The following GUCY1A2 variants were observed in gnomAD, a reference collection of about 807,000 sequenced individuals.
The protein encoded by GUCY1A2 is guanylate cyclase 1 soluble subunit alpha 2.
GUCY1A2 carries 27 observed loss-of-function variants against 63.5 expected under a neutral mutation model. The observed-to-expected ratio is 0.43, with a 90% CI of 0.31 to 0.59. The LOEUF is 0.59. GUCY1A2 is among the 20% of genes least tolerant of loss of function. The pLI is 0.11. For synonymous variants in GUCY1A2, 364 were observed against 343.5 expected (o/e 1.06, Z -0.66); for missense variants, 768 against 913.3 (o/e 0.84, Z 2.05).
chr11:106,932,155 C>T (rs1944209), intron 4 of GUCY1A2, among the ~76,000 whole-genome samples: 1 of 151,956 alleles, frequency 6.6e-6, no homozygotes, highest in Non-Finnish European at 1.5e-5. Flanking sequence ...AACCTACAAA[C>T]CTTTAATAGA....
intron 3 of GUCY1A2, among the ~76,000 whole-genome samples, chr11:106,959,867 A>G (rs1178893185): frequency 6.6e-6 from 1 of 152,236 alleles, no homozygotes; most frequent in Non-Finnish European, 1.5e-5. Context: ...CCCAAAAGGC[A>G]GAGCTGAGAA....
At chr11:106,954,807 G>A (rs997771030) in intron 3 of GUCY1A2, among the ~76,000 whole-genome samples, 5 of 151,850 alleles carry the variant, frequency 3.3e-5, no homozygotes, top group African/African-American at 1.2e-4. Context: ...GTTTTGTCAG[G>A]GACTAGGATT....
At chr11:106,694,998 T>TGTGTGTGCATGC (rs1206388299) in intron 7 of GUCY1A2, among the ~76,000 whole-genome samples, 1 of 152,212 alleles carries the variant, frequency 6.6e-6, no homozygotes, top group African/African-American at 2.4e-5. Flanking sequence ...TTAGGTTGGG[T>TGTGTGTGCATGC]GTGTGTGCAT....
At chr11:106,940,209 A>G (rs201109184) in intron 3 of GUCY1A2, 31 bp from the exon 4 acceptor site, 61 of 973,742 alleles carry the variant, frequency 6.3e-5, no homozygotes, top group Non-Finnish European at 9.5e-5. Flanking sequence ...AATGTTAGTG[A>G]AGTCTAATAT....
At chr11:106,790,076 A>G (rs1027223491) in intron 5 of GUCY1A2, among the ~76,000 whole-genome samples, 3 of 152,196 alleles carry the variant, frequency 2.0e-5, no homozygotes, top group African/African-American at 7.2e-5. Context: ...CCAGGCTTGT[A>G]TCCTTTGCTT....
intron 4 of GUCY1A2, among the ~76,000 whole-genome samples, chr11:106,883,890 G>GTT (rs1859861448): frequency 6.6e-6 from 1 of 152,064 alleles, no homozygotes; most frequent in Non-Finnish European, 1.5e-5. Context: ...GTCCTTTGTA[G>GTT]GGACATGGAT....
At chr11:106,798,698 T>C (rs547052148) in intron 5 of GUCY1A2, among the ~76,000 whole-genome samples, 1 of 152,256 alleles carries the variant, frequency 6.6e-6, no homozygotes, top group Admixed American at 6.5e-5. Flanking sequence ...GAAAAGGCCT[T>C]TGACAAAATT....
intron 6 of GUCY1A2, among the ~76,000 whole-genome samples, chr11:106,722,130 T>C (rs1863327839): frequency 6.6e-6 from 1 of 152,176 alleles, no homozygotes; most frequent in East Asian, 1.9e-4. Flanking sequence ...TGTTCCTCTT[T>C]CCCTCTTCTA....
At chr11:106,732,675 C>A (rs1863525105) in intron 6 of GUCY1A2, among the ~76,000 whole-genome samples, 1 of 152,004 alleles carries the variant, frequency 6.6e-6, no homozygotes, top group Non-Finnish European at 1.5e-5. Context: ...AGTGAAAAAC[C>A]ATTAGGAGAG....
At chr11:106,806,150 A>G (rs1265872028) in intron 5 of GUCY1A2, among the ~76,000 whole-genome samples, 2 of 152,104 alleles carry the variant, frequency 1.3e-5, no homozygotes, top group Non-Finnish European at 2.9e-5. Context: ...AGATAGATAC[A>G]CCTGTCTGAG....
chr11:106,693,683 T>G (rs1467563006), intron 7 of GUCY1A2, among the ~76,000 whole-genome samples: 1 of 152,178 alleles, frequency 6.6e-6, no homozygotes. Context: ...TCCCTCATTT[T>G]AAAACATTCT....
intron 3 of GUCY1A2, among the ~76,000 whole-genome samples, chr11:106,941,981 T>G (rs1268472251): frequency 1.3e-5 from 2 of 152,180 alleles, no homozygotes; most frequent in African/African-American, 4.8e-5. Flanking sequence ...ATTGCCAGGT[T>G]ACAAGACTGC....
chr11:106,751,733 GAATTA>G (rs1182058886), intron 6 of GUCY1A2, among the ~76,000 whole-genome samples: 1 of 151,976 alleles, frequency 6.6e-6, no homozygotes, highest in Admixed American at 6.6e-5. Flanking sequence ...TTTATTTGTA[GAATTA>G]AATTATAAAA....
At chr11:106,777,124 CTCA>C (rs1373450255) in intron 5 of GUCY1A2, among the ~76,000 whole-genome samples, 1 of 152,082 alleles carries the variant, frequency 6.6e-6, no homozygotes, top group Non-Finnish European at 1.5e-5. Context: ...TGTACATTGT[CTCA>C]TTTTATCTTC....
At chr11:106,859,480 TTTAA>T (rs1452006652) in intron 4 of GUCY1A2, among the ~76,000 whole-genome samples, 1 of 152,140 alleles carries the variant, frequency 6.6e-6, no homozygotes, top group South Asian at 2.1e-4. Flanking sequence ...GTACAATAGA[TTTAA>T]TTAATTGACT....
In GUCY1A2 at chr11:106,818,801, G is replaced by A. The variant is rs1236996184; in HGVS notation, c.1207-8323C>T. Among the ~76,000 whole-genome samples, 9 of 152,190 alleles carry A rather than the reference G, an allele frequency of 5.9e-5. No homozygotes were observed. In the East Asian group the frequency reaches 9.7e-4, roughly 16 times the overall value. ...ACTAAAACAGTATTATTGCTGATAC[G>A]GAGAAAGTTTTAGTAGTATGCATGG... On this transcript the variant is annotated intron_variant, in intron 4 of 7. Transcript: ENST00000526355.
At chr11:106,984,801 A>G (rs1205815971) in intron 2 of GUCY1A2, among the ~76,000 whole-genome samples, 1 of 152,192 alleles carries the variant, frequency 6.6e-6, no homozygotes, top group East Asian at 1.9e-4. Context: ...TTATTTCAGG[A>G]TATGTGGAGA....
chr11:106,955,849 C>T (rs1860977101), intron 3 of GUCY1A2, among the ~76,000 whole-genome samples: 1 of 152,052 alleles, frequency 6.6e-6, no homozygotes, highest in Non-Finnish European at 1.5e-5. Context: ...GCCTGTCTTG[C>T]TAGGTTGGGG....
rs530695061 is a variant in GUCY1A2 at position 106,708,119 on chromosome 11, C to CA, written c.1991+392dup. ...AATTTAAAGACTTTATTTATTTATTCAAAAAAACAGTCCAACCACCTTTTC... is the reference window on the plus strand; with the variant it reads ...AATTTAAAGACTTTATTTATTTATTCAAAAAAAACAGTCCAACCACCTTTTC... On this transcript the variant is annotated intron_variant, in intron 7 of 7. Coordinates refer to ENST00000526355, the MANE Select transcript of GUCY1A2 (RefSeq NM_000855.3). Among the ~76,000 whole-genome samples, 506 of 151,544 alleles carry CA rather than the reference C, an allele frequency of 3.3e-3. 1 individual carries two copies. The highest frequency in any genetic ancestry group is 0.012 in the African/African-American group (488 of 41,372).
Sources: gnomAD v4.1 joint callset for allele counts (sites outside exome capture counted in the v4.1 genomes callset) on GRCh38, gnomAD v4.1.1 for gene constraint, MANE v1.5 for transcripts, NCBI Gene and HGNC (gene_info 2026-07-23, HGNC 2026-07-21) for gene names.